Variants in ADGRL3 observed in about 807,000 individuals in gnomAD.
The protein encoded by ADGRL3 is calcium-independent alpha-latrotoxin receptor 3.
ADGRL3 carries 62 observed loss-of-function variants against 153.5 expected under a neutral mutation model. That is an observed-to-expected ratio of 0.40 (90% CI 0.33 to 0.50). The LOEUF (loss-of-function observed/expected upper bound fraction) is 0.50. Ranked by LOEUF, ADGRL3 falls within the 20% of genes least tolerant of loss-of-function variation. The pLI, the probability that ADGRL3 is intolerant of heterozygous loss-of-function variation, is 0.47. For synonymous variants in ADGRL3, 710 were observed against 672.5 expected, an observed-to-expected ratio of 1.06 and a Z score of -0.86; for missense variants, 1,641 against 1,859.4, an observed-to-expected ratio of 0.88 and a Z score of 2.16.
intron 17 of ADGRL3, among the ~76,000 whole-genome samples, chr4:61,960,015 T>TATTTAA (rs2098981881): frequency 6.6e-6 from 1 of 152,160 alleles, no homozygotes; most frequent in East Asian, 1.9e-4. Flanking sequence ...ACTTGCATGT[T>TATTTAA]GAGTACCTCA....
Position 62,031,615 on chromosome 4 carries a change from G to A in ADGRL3, c.3591+5G>A, listed in dbSNP as rs1360880141. ...CATTGTGTCCTACAGAAGAAGGTAA[G>A]CTAGAATTCTTTTTTTAAAATAAAA... On this transcript the variant is annotated splice_donor_5th_base_variant and intron_variant, in intron 23 of 26. Transcript: ENST00000683033. 6.3e-7 allele frequency: 1 copy of A among 1,586,172 alleles called. No homozygotes were observed. The highest frequency in any genetic ancestry group is 1.1e-5 in the South Asian group (1 of 88,546).
At chr4:62,060,712 G>A (rs561694928) in intron 25 of ADGRL3, among the ~76,000 whole-genome samples, 1 of 151,826 alleles carries the variant, frequency 6.6e-6, no homozygotes, top group South Asian at 2.1e-4. Context: ...TGTTTAAGAT[G>A]TACAATTTTT....
intron 2 of ADGRL3, among the ~76,000 whole-genome samples, chr4:61,438,568 C>A (rs919576271): frequency 6.6e-6 from 1 of 151,610 alleles, no homozygotes; most frequent in Admixed American, 6.6e-5. Context: ...TAGAAGAGGC[C>A]CCATAGAAGA....
intron 1 of ADGRL3, among the ~76,000 whole-genome samples, chr4:61,220,633 T>TC (rs1156297497): frequency 6.7e-6 from 1 of 150,016 alleles, no homozygotes; most frequent in East Asian, 1.9e-4. Context: ...TCAAGCCATT[T>TC]CCTTTTTTTC....
chr4:61,469,470 A>G (rs335334), intron 2 of ADGRL3, among the ~76,000 whole-genome samples: 133,962 of 151,982 alleles, frequency 0.88, 60,579 homozygotes, highest in Non-Finnish European at 0.97. Flanking sequence ...TTCTCCTTAG[A>G]AGCATTGGTC....
chr4:61,796,669 G>T (rs1012731767), intron 8 of ADGRL3, among the ~76,000 whole-genome samples: 1 of 151,920 alleles, frequency 6.6e-6, no homozygotes, highest in South Asian at 2.1e-4. Context: ...TTTTGCTTGA[G>T]TTTTTTTCAT....
At chr4:61,333,493 CAT>C (rs2095613939) in intron 1 of ADGRL3, among the ~76,000 whole-genome samples, 1 of 152,178 alleles carries the variant, frequency 6.6e-6, no homozygotes, top group Non-Finnish European at 1.5e-5. Flanking sequence ...TTATTCTTCA[CAT>C]GTTGTTCAAC....
intron 5 of ADGRL3, among the ~76,000 whole-genome samples, chr4:61,660,401 A>T (rs887980361): frequency 3.3e-5 from 5 of 152,156 alleles, no homozygotes; most frequent in African/African-American, 1.2e-4. Context: ...TTCTTAAAGC[A>T]TATATGTAAT....
intron 20 of ADGRL3, 25 bp from the exon 21 acceptor site, chr4:61,998,149 C>G: frequency 7.5e-7 from 1 of 1,327,478 alleles, no homozygotes; most frequent in Non-Finnish European, 1.0e-6. Context: ...AATTATGCTA[C>G]ATAACACTAC....
Position 61,416,024 on chromosome 4 carries a change from A to G in ADGRL3, c.-174+32835A>G, listed in dbSNP as rs1320970808. 3.3e-5 allele frequency among the ~76,000 whole-genome samples: 5 copies of G among 152,116 alleles called. No individual in the cohort carries two copies. The East Asian group carries it at 9.6e-4, about 29-fold the overall frequency. On this transcript the variant is annotated intron_variant, in intron 2 of 26. Coordinates refer to ENST00000683033, the MANE Select transcript of ADGRL3 (RefSeq NM_001387552.1). Reference sequence around the variant, plus strand: ...TGTCTCTTCTATGGTTTAATTAATAAACATTCACCTAGTTTCTCTAATCTC... The same window carrying G: ...TGTCTCTTCTATGGTTTAATTAATAGACATTCACCTAGTTTCTCTAATCTC...
At chr4:61,854,223 T>TA (rs1403475871) in intron 9 of ADGRL3, among the ~76,000 whole-genome samples, 1 of 152,084 alleles carries the variant, frequency 6.6e-6, no homozygotes, top group African/African-American at 2.4e-5. Flanking sequence ...AGAATTGAAG[T>TA]AAAAGTAGGA....
intron 1 of ADGRL3, among the ~76,000 whole-genome samples, chr4:61,359,041 A>T (rs2096241848): frequency 6.6e-6 from 1 of 151,822 alleles, no homozygotes; most frequent in African/African-American, 2.4e-5. Flanking sequence ...AAAAATGACA[A>T]CTCCTTTCTT....
chr4:62,014,051 C>T (rs1267024962), intron 21 of ADGRL3, among the ~76,000 whole-genome samples: 1 of 151,744 alleles, frequency 6.6e-6, no homozygotes, highest in African/African-American at 2.4e-5. Flanking sequence ...AAGGTATGAA[C>T]ATGAATTGGG....
chr4:61,958,377 GTTTCTTTC>G (rs3065141), intron 17 of ADGRL3, among the ~76,000 whole-genome samples: 4,073 of 148,142 alleles, frequency 0.027, 64 homozygotes, highest in African/African-American at 0.04. Context: ...TGTTGTAAAG[GTTTCTTTC>G]TTTCTTTCTT....
intron 25 of ADGRL3, among the ~76,000 whole-genome samples, chr4:62,064,731 G>A (rs901479906): frequency 4.6e-5 from 7 of 151,660 alleles, no homozygotes; most frequent in African/African-American, 1.7e-4. Flanking sequence ...GTGCAACTTA[G>A]TGAGAATGTG....
At chr4:61,529,661 A>T (rs1292551203) in intron 4 of ADGRL3, among the ~76,000 whole-genome samples, 1 of 152,152 alleles carries the variant, frequency 6.6e-6, no homozygotes, top group Non-Finnish European at 1.5e-5. Context: ...AATGATATAT[A>T]AAGCTTTTTA....
At chr4:61,683,114 ATT>A (rs34187412) in intron 6 of ADGRL3, among the ~76,000 whole-genome samples, 121 of 141,066 alleles carry the variant, frequency 8.6e-4, no homozygotes, top group East Asian at 1.5e-3. Flanking sequence ...CAAGAGCTGT[ATT>A]TTTTTTTTTT....
At chr4:61,721,440 G>A (rs561626383) in intron 6 of ADGRL3, among the ~76,000 whole-genome samples, 1 of 152,268 alleles carries the variant, frequency 6.6e-6, no homozygotes, top group Admixed American at 6.5e-5. Context: ...GAAAAAAGAT[G>A]AAGCCCAGAA....
chr4:61,510,612 G>A (rs2098458421), intron 3 of ADGRL3, among the ~76,000 whole-genome samples: 1 of 152,008 alleles, frequency 6.6e-6, no homozygotes, highest in Non-Finnish European at 1.5e-5. Flanking sequence ...CTGTTCTATT[G>A]TTCTATTTGT....
Sources: gnomAD v4.1 joint callset for allele counts (sites outside exome capture counted in the v4.1 genomes callset) on GRCh38, gnomAD v4.1.1 for gene constraint, MANE v1.5 for transcripts, NCBI Gene and HGNC (gene_info 2026-07-23, HGNC 2026-07-21) for gene names.